COLEC10: variants seen among roughly 807,000 people sequenced by gnomAD.
The protein encoded by COLEC10 is collectin subfamily member 10.
In COLEC10, 22 loss-of-function variants were observed where a neutral mutation model predicts 28.4. That is an observed-to-expected ratio of 0.78 (90% CI 0.55 to 1.11). COLEC10 has a LOEUF of 1.11. Ranked by LOEUF, COLEC10 falls within the 50% of genes least tolerant of loss-of-function variation. COLEC10 has a pLI of 0.00. For synonymous variants in COLEC10, 125 were observed against 116.1 expected (o/e 1.08, Z -0.49); for missense variants, 361 against 344.1 (o/e 1.05, Z -0.39).
Position 119,046,239 on chromosome 8 carries a change from T to C in COLEC10, n.235+36686T>C, listed in dbSNP as rs561108616. On this transcript the variant is annotated intron_variant and non_coding_transcript_variant, in intron 2 of 6. Transcript: ENST00000521788. ...CACTGTCTGTCTCCATTTGTGATCT[T>C]TTTTTTTCTCTTTTAGTTAATGTGA... Among the ~76,000 whole-genome samples the C allele has an allele frequency of 3.4e-3, 486 of 141,294 alleles. 1 individual carries two copies. Among genetic ancestry groups the C allele is most frequent in the African/African-American group, 0.012 (450 of 37,856 alleles). 92.7% of individuals were successfully genotyped at this position (141,294 alleles called of 152,430 possible).
Position 119,052,741 on chromosome 8 carries a change from A to G in COLEC10, n.236-36939A>G, listed in dbSNP as rs1369179239. 5.3e-5 allele frequency among the ~76,000 whole-genome samples: 8 copies of G among 152,196 alleles called. No homozygotes were observed. The South Asian group carries it at 1.2e-3, about 24-fold the overall frequency. On this transcript the variant is annotated intron_variant and non_coding_transcript_variant, in intron 2 of 6. Transcript: ENST00000521788. ...AGGGAAGAGAAAAATAAGAATTATT[A>G]CATTCTAACTGAAAGACTTGTTGCT...
At chr8:118,997,844 C>T (rs1364072902) in intron 1 of COLEC10, among the ~76,000 whole-genome samples, 5 of 152,118 alleles carry the variant, frequency 3.3e-5, no homozygotes, top group Admixed American at 3.3e-4. Flanking sequence ...AGGCATGCAC[C>T]TGGAGCTTCT....
chr8:118,969,133 TAG>T, the COLEC10 span, among the ~76,000 whole-genome samples: 1 of 151,852 alleles, frequency 6.6e-6, no homozygotes, highest in South Asian at 2.1e-4. Context: ...ACAATGGAAG[TAG>T]AGTTTGGAGA....
At chr8:119,071,949 G>A (rs1303904719) in intron 1 of COLEC10, among the ~76,000 whole-genome samples, 2 of 152,130 alleles carry the variant, frequency 1.3e-5, no homozygotes, top group Non-Finnish European at 2.9e-5. Context: ...TACTCCTGGG[G>A]GCCATGGCCA....
At chr8:119,080,950 G>T (rs1815355555) in intron 1 of COLEC10, among the ~76,000 whole-genome samples, 1 of 151,980 alleles carries the variant, frequency 6.6e-6, no homozygotes, top group African/African-American at 2.4e-5. Flanking sequence ...GTATAATATT[G>T]TATTTTGAAT....
the COLEC10 span, among the ~76,000 whole-genome samples, chr8:118,987,158 A>AG: frequency 4.6e-5 from 7 of 152,174 alleles, no homozygotes; most frequent in Non-Finnish European, 1.0e-4. Flanking sequence ...AACAAAAAAA[A>AG]CAAACCCACA....
rs1417041636 is a variant in COLEC10, at chr8:119,103,192, AAAG to A, written c.347-602_347-600del. ...CAGGTTGTTGAAAAGTTAGGTGAGC[AAAG>A]AAGAATGAAAGACACATTAAAATCA... On this transcript the variant is annotated intron_variant, in intron 4 of 5. Coordinates refer to ENST00000332843, the MANE Select transcript of COLEC10 (RefSeq NM_006438.5). Among the ~76,000 whole-genome samples, 49 of 152,202 alleles carry A rather than the reference AAAG, an allele frequency of 3.2e-4. 1 individual carries two copies. Among genetic ancestry groups the A allele is most frequent in the African/African-American group, 1.2e-3 (48 of 41,466 alleles).
chr8:119,091,286 A>C, intron 3 of COLEC10, 66 bp downstream of exon 3: 1 of 1,199,636 alleles, frequency 8.3e-7, no homozygotes, highest in Non-Finnish European at 1.2e-6. Flanking sequence ...ACGATGGCTC[A>C]CACCAGTAAT....
At chr8:119,036,768 C>A (rs996829018) in intron 2 of COLEC10, among the ~76,000 whole-genome samples, 1 of 152,118 alleles carries the variant, frequency 6.6e-6, no homozygotes, top group African/African-American at 2.4e-5. Context: ...AAGATGCAGG[C>A]AGACACAGGG....
At chr8:119,042,403 A>AATTT (rs10568806) in intron 2 of COLEC10, among the ~76,000 whole-genome samples, 38 of 150,646 alleles carry the variant, frequency 2.5e-4, no homozygotes, top group East Asian at 5.9e-4. Flanking sequence ...TATTTAACTT[A>AATTT]ATTTATTTAT....
intron 2 of COLEC10, among the ~76,000 whole-genome samples, chr8:119,017,213 C>T (rs35513540): frequency 0.02 from 3,106 of 152,166 alleles, 98 homozygotes; most frequent in African/African-American, 0.069. Flanking sequence ...TTAGTAGATT[C>T]GATATCTGAA....
chr8:119,046,459 T>C (rs959165402), intron 2 of COLEC10, among the ~76,000 whole-genome samples: 15 of 152,216 alleles, frequency 9.9e-5, no homozygotes, highest in Non-Finnish European at 4.4e-5. Context: ...AGACTATGAT[T>C]AATGGTAGGT....
At chr8:118,988,806 C>T in the COLEC10 span, among the ~76,000 whole-genome samples, 1 of 152,196 alleles carries the variant, frequency 6.6e-6, no homozygotes, top group South Asian at 2.1e-4. Flanking sequence ...TTAGAAACCT[C>T]TGACACCTAT....
At chr8:118,971,593 A>G in the COLEC10 span, among the ~76,000 whole-genome samples, 2 of 152,054 alleles carry the variant, frequency 1.3e-5, no homozygotes, top group East Asian at 1.9e-4. Flanking sequence ...CTTGTCTCCA[A>G]ATCAAATTGC....
At chr8:118,997,797 G>A (rs193112263) in intron 1 of COLEC10, among the ~76,000 whole-genome samples, 2 of 152,288 alleles carry the variant, frequency 1.3e-5, no homozygotes, top group East Asian at 1.9e-4. Flanking sequence ...TTAAATGGCT[G>A]TGTTTCATGG....
At chr8:119,029,990 G>T (rs1041699801) in intron 2 of COLEC10, among the ~76,000 whole-genome samples, 2 of 152,108 alleles carry the variant, frequency 1.3e-5, no homozygotes, top group Non-Finnish European at 2.9e-5. Context: ...GCAGGAATAG[G>T]GATAGAGTAG....
chr8:119,089,104 G>T (rs2130276867), intron 1 of COLEC10, among the ~76,000 whole-genome samples: 1 of 152,280 alleles, frequency 6.6e-6, no homozygotes, highest in East Asian at 1.9e-4. Context: ...CAAGACTCCT[G>T]ATTCTCAGTC....
rs1402985159 is a variant in COLEC10, at chr8:119,009,857, A to T, written n.235+304A>T. On this transcript the variant is annotated intron_variant and non_coding_transcript_variant, in intron 2 of 6. Transcript: ENST00000521788. ...GCTCAGCTCTTTTTTTTAAAAAAAA[A>T]TAGACTTTATGTTTTAGATAAATTT... is the stretch of plus-strand genomic sequence containing the variant. Among the ~76,000 whole-genome samples the T allele has an allele frequency of 5.4e-5, 8 of 146,860 alleles. 1 individual carries two copies. The highest frequency in any genetic ancestry group is 2.1e-4 in the African/African-American group (8 of 38,472).
intron 1 of COLEC10, among the ~76,000 whole-genome samples, chr8:119,069,629 A>AAAAT (rs1554627284): frequency 1.9e-4 from 8 of 42,878 alleles, no homozygotes; most frequent in Admixed American, 4.9e-4. Flanking sequence ...AAAAAAAAAA[A>AAAAT]ATATATATAT....
Sources: gnomAD v4.1 joint callset for allele counts (sites outside exome capture counted in the v4.1 genomes callset) on GRCh38, gnomAD v4.1.1 for gene constraint, MANE v1.5 for transcripts, NCBI Gene and HGNC (gene_info 2026-07-23, HGNC 2026-07-21) for gene names.